Variants in AKR1C3 observed in about 807,000 individuals in gnomAD.
AKR1C3 encodes 3-alpha hydroxysteroid dehydrogenase, type II.
Under a neutral mutation model 43.6 loss-of-function variants are expected in AKR1C3, and 48 were observed. That is an observed-to-expected ratio of 1.10 (90% CI 0.87 to 1.40). The LOEUF is 1.40. AKR1C3 is among the 40% of genes most tolerant of loss of function. AKR1C3 has a pLI of 0.00. For synonymous variants in AKR1C3, 162 were observed against 139.6 expected, an observed-to-expected ratio of 1.16 and a Z score of -1.13; for missense variants, 482 against 391.2, an observed-to-expected ratio of 1.23 and a Z score of -1.96.
At chr10:5,068,823 C>T (rs146933302) in intron 1 of AKR1C3, among the ~76,000 whole-genome samples, 1 of 152,278 alleles carries the variant, frequency 6.6e-6, no homozygotes, top group Admixed American at 6.5e-5. Flanking sequence ...AGGGCCATCC[C>T]GAGTGGGCTG....
At chr10:5,105,545 G>A (rs782442964) in intron 7 of AKR1C3, 50 bp from the exon 8 acceptor site, 1 of 1,381,274 alleles carries the variant, frequency 7.2e-7, no homozygotes, top group Admixed American at 1.9e-5. Context: ...TATACTTGGG[G>A]ATTCACAACT....
intron 1 of AKR1C3, among the ~76,000 whole-genome samples, chr10:5,089,227 T>C (rs112955639): frequency 1.0e-3 from 159 of 152,302 alleles, no homozygotes; most frequent in African/African-American, 3.7e-3. Flanking sequence ...GCCTTGTCGA[T>C]GTACATTTAG....
At chr10:5,084,146 C>G (rs1481232829) in intron 1 of AKR1C3, among the ~76,000 whole-genome samples, 1 of 152,132 alleles carries the variant, frequency 6.6e-6, no homozygotes, top group African/African-American at 2.4e-5. Flanking sequence ...ACATGAAGTC[C>G]TTGCCCAAGC....
intron 1 of AKR1C3, chr10:5,048,965 T>TTG: frequency 7.8e-7 from 1 of 1,282,358 alleles, no homozygotes; most frequent in Non-Finnish European, 1.1e-6. Context: ...CTGACCTGGG[T>TTG]TGTCAGGTTT....
At chr10:5,068,020 A>G (rs927272484) in intron 1 of AKR1C3, among the ~76,000 whole-genome samples, 12 of 152,292 alleles carry the variant, frequency 7.9e-5, no homozygotes, top group Non-Finnish European at 1.3e-4. Context: ...AGTTTATTCA[A>G]ATTGTATATT....
rs547674179 is a variant in AKR1C3 at position 5,084,016 on chromosome 10, C to T, written c.85-12394C>T. 2.0e-4 allele frequency among the ~76,000 whole-genome samples: 31 copies of T among 152,276 alleles called. 1 individual carries two copies. The South Asian group carries it at 6.2e-3, about 31-fold the overall frequency. ...TAAGTAGGCTGCAAAAATTTTCTCC[C>T]ATTCTGTAGGTTGCCTGTTCACTCT... On this transcript the variant is annotated intron_variant, in intron 1 of 8. Coordinates refer to the AKR1C3 transcript ENST00000439082.
chr10:5,099,735 G>A (rs1839301254), intron 5 of AKR1C3: 1 of 419,378 alleles, frequency 2.4e-6, no homozygotes, highest in Non-Finnish European at 4.3e-6. Flanking sequence ...AAGGAAAGGT[G>A]GACTTACCTC....
chr10:5,060,203 A>G (rs1838352699), intron 1 of AKR1C3, among the ~76,000 whole-genome samples: 1 of 152,202 alleles, frequency 6.6e-6, no homozygotes, highest in African/African-American at 2.4e-5. Context: ...TTTATTGCAA[A>G]GAGCAAAAGA....
At chr10:5,086,382 A>G (rs868986775) in intron 1 of AKR1C3, among the ~76,000 whole-genome samples, 35 of 151,528 alleles carry the variant, frequency 2.3e-4, no homozygotes, top group Middle Eastern at 3.4e-3. Context: ...GTAGTTGAGC[A>G]GTTTTGAGTG....
chr10:5,095,851 A>G (rs1839193689), intron 1 of AKR1C3, among the ~76,000 whole-genome samples: 1 of 152,100 alleles, frequency 6.6e-6, no homozygotes, highest in South Asian at 2.1e-4. Flanking sequence ...ACTATGCAGA[A>G]AAGACTTAAT....
At chr10:5,084,640 G>A (rs1310916023) in intron 1 of AKR1C3, among the ~76,000 whole-genome samples, 1 of 152,008 alleles carries the variant, frequency 6.6e-6, no homozygotes, top group Non-Finnish European at 1.5e-5. Context: ...TGATGGGGAT[G>A]GCATTGAATC....
At chr10:5,079,541 AG>A (rs1413044736) in intron 1 of AKR1C3, among the ~76,000 whole-genome samples, 10 of 137,742 alleles carry the variant, frequency 7.3e-5, no homozygotes, top group African/African-American at 2.5e-4. Context: ...ATTAACTCCC[AG>A]GAAAAACAGA....
chr10:5,084,198 T>C (rs1554782703), intron 1 of AKR1C3, among the ~76,000 whole-genome samples: 3 of 152,194 alleles, frequency 2.0e-5, no homozygotes, highest in African/African-American at 7.2e-5. Flanking sequence ...TTCTAGGGTT[T>C]TTATGGCTTT....
At chr10:5,062,218 G>A (rs1465243710) in intron 1 of AKR1C3, among the ~76,000 whole-genome samples, 2 of 152,104 alleles carry the variant, frequency 1.3e-5, no homozygotes, top group Admixed American at 6.6e-5. Flanking sequence ...TTACTCTGGC[G>A]GCCACCTTAA....
rs531056923 is a variant in AKR1C3, at chr10:5,099,646, G to A, written c.570+197G>A. On this transcript the variant is annotated intron_variant, in intron 5 of 8. Transcript: ENST00000380554. The stretch of plus-strand genomic sequence containing the variant: ...AAAAGTATTAGGGAAAAATTGGAAT[G>A]AGTTTAATGCTGAATCGTGTGTAAT... The A allele has an allele frequency of 6.6e-5, 62 of 941,502 alleles. No homozygotes were observed. The South Asian group carries it at 9.3e-4, about 14-fold the overall frequency. The allele number at this position is 941,502 out of a possible 1,614,324, so 58.3% of individuals were successfully genotyped here.
intron 1 of AKR1C3, among the ~76,000 whole-genome samples, chr10:5,087,241 G>A (rs1838987527): frequency 6.6e-6 from 1 of 152,012 alleles, no homozygotes. Context: ...CTTCCTTCAG[G>A]AGCTCCTTTA....
chr10:5,073,345 T>A (rs542007789), intron 1 of AKR1C3, among the ~76,000 whole-genome samples: 1 of 152,320 alleles, frequency 6.6e-6, no homozygotes, highest in East Asian at 1.9e-4. Context: ...ATTTCATTTT[T>A]AACATTATTC....
upstream of AKR1C3, among the ~76,000 whole-genome samples, chr10:5,091,515 T>A (rs1175952285): frequency 3.3e-5 from 5 of 152,180 alleles, no homozygotes; most frequent in African/African-American, 1.2e-4. Flanking sequence ...CTCATATCCT[T>A]AATTAACAAT....
At position 5,053,216 on chromosome 10, in the gene AKR1C3, C is replaced by T. The variant is rs533656774; in HGVS notation, c.84+4321C>T. Among the ~76,000 whole-genome samples, 29 of 152,358 alleles carry T rather than the reference C, an allele frequency of 1.9e-4. No individual in the cohort carries two copies. In the South Asian group the frequency reaches 5.6e-3, roughly 29 times the overall value. ...CAGGGGGCAGCGCTCGTCAGGGAGG[C>T]TCCAGCCACACAGGAGCCCACGGAC... is the stretch of plus-strand genomic sequence containing the variant. On this transcript the variant is annotated intron_variant, in intron 1 of 8. Transcript: ENST00000439082.
Sources: gnomAD v4.1 joint callset for allele counts (sites outside exome capture counted in the v4.1 genomes callset) on GRCh38, gnomAD v4.1.1 for gene constraint, MANE v1.5 for transcripts, NCBI Gene and HGNC (gene_info 2026-07-23, HGNC 2026-07-21) for gene names.